Variants in ADAMTS6 observed in about 807,000 individuals in gnomAD.
The protein encoded by ADAMTS6 is ADAM metallopeptidase with thrombospondin type 1 motif 6, also known as A disintegrin and metalloproteinase with thrombospondin motifs 6.
A neutral mutation model predicts 144.3 loss-of-function variants in ADAMTS6; 23 were observed. That is an observed-to-expected ratio of 0.16 (90% CI 0.11 to 0.23). The LOEUF is 0.23. ADAMTS6 is among the 10% of genes least tolerant of loss of function. The probability of loss-of-function intolerance (pLI) is 1.00; values close to 1 mark genes in which losing one functional copy is unlikely to be tolerated. For synonymous variants in ADAMTS6, 444 were observed against 457.5 expected (o/e 0.97, Z 0.38); for missense variants, 999 against 1,379.6 (o/e 0.72, Z 4.37).
In ADAMTS6 at chr5:65,224,849, G is replaced by C. The variant is rs1362141138; in HGVS notation, c.2191+75C>G. On this transcript the variant is annotated intron_variant, in intron 17 of 24. Transcript: ENST00000381055. ...CTAAATAAAGAAATCTGAAAAACAG[G>C]GGGAGGCGAAGCGAGGGTTTTGGCT... The C allele has an allele frequency of 6.2e-6, 9 of 1,459,804 alleles. No homozygotes were observed. In the East Asian group the frequency reaches 9.6e-5, roughly 16 times the overall value. The allele number at this position is 1,459,804 out of a possible 1,614,324, so 90.4% of individuals were successfully genotyped here. A position where few individuals can be genotyped will look rare whatever the true frequency, so the allele number is the denominator to read the frequency against.
intron 7 of ADAMTS6, among the ~76,000 whole-genome samples, chr5:65,357,947 C>T (rs1383842828): frequency 6.6e-6 from 1 of 151,794 alleles, no homozygotes; most frequent in Non-Finnish European, 1.5e-5. Flanking sequence ...TTCCAAAAGA[C>T]TGAAAAAGAG....
chr5:65,399,085 C>T (rs1392853245), intron 7 of ADAMTS6, among the ~76,000 whole-genome samples: 2 of 151,828 alleles, frequency 1.3e-5, no homozygotes, highest in Admixed American at 6.6e-5. Flanking sequence ...GGTGAAACCC[C>T]GTCTCCAATA....
chr5:65,181,603 A>G (rs1196823858), intron 22 of ADAMTS6, among the ~76,000 whole-genome samples: 1 of 152,202 alleles, frequency 6.6e-6, no homozygotes, highest in Non-Finnish European at 1.5e-5. Context: ...AGGCCTTGTG[A>G]CCCATACTTT....
At chr5:65,447,461 A>G (rs1384749408) in intron 7 of ADAMTS6, among the ~76,000 whole-genome samples, 2 of 152,136 alleles carry the variant, frequency 1.3e-5, no homozygotes, top group African/African-American at 2.4e-5. Flanking sequence ...ATAAAGACAC[A>G]CAATTTTTGT....
Position 65,427,941 on chromosome 5 carries a change from A to G in ADAMTS6, c.1073+23534T>C, listed in dbSNP as rs115492829. ...AAAGTCTAATCATGATTAAGTTAAT[A>G]AAGAAGGCCAGGCACGGCTCACACC... On this transcript the variant is annotated intron_variant, in intron 7 of 24. Transcript: ENST00000381055. Among the ~76,000 whole-genome samples, 1,092 of 152,196 alleles carry G rather than the reference A, an allele frequency of 7.2e-3. 13 individuals carry two copies. Among genetic ancestry groups the G allele is most frequent in the African/African-American group, 0.025 (1,026 of 41,534 alleles).
intron 16 of ADAMTS6, among the ~76,000 whole-genome samples, chr5:65,225,517 A>T (rs529958997): frequency 6.6e-6 from 1 of 152,308 alleles, no homozygotes; most frequent in Non-Finnish European, 1.5e-5. Context: ...TGTTACAATC[A>T]TACACAGGTC....
chr5:65,306,559 G>T (rs1313168225), intron 9 of ADAMTS6, among the ~76,000 whole-genome samples: 1 of 152,156 alleles, frequency 6.6e-6, no homozygotes, highest in Non-Finnish European at 1.5e-5. Context: ...ACTGCTCTAG[G>T]ATAGATGTGC....
intron 12 of ADAMTS6, among the ~76,000 whole-genome samples, chr5:65,271,939 C>A (rs1229250814): frequency 1.3e-5 from 2 of 152,004 alleles, no homozygotes; most frequent in Non-Finnish European, 2.9e-5. Context: ...TGGCTACTTA[C>A]AATATCTTAA....
chr5:65,316,528 A>T (rs1293191775), intron 9 of ADAMTS6, among the ~76,000 whole-genome samples: 7 of 152,202 alleles, frequency 4.6e-5, no homozygotes, highest in Admixed American at 4.6e-4. Context: ...AAATGATACA[A>T]TTGAAAGATG....
chr5:65,385,572 TATC>T (rs1184706966), intron 7 of ADAMTS6, among the ~76,000 whole-genome samples: 4 of 152,330 alleles, frequency 2.6e-5, no homozygotes, highest in African/African-American at 4.8e-5. Flanking sequence ...TAGTAAAAAT[TATC>T]ATCATTTTTT....
intron 11 of ADAMTS6, among the ~76,000 whole-genome samples, chr5:65,284,477 T>G (rs1287924582): frequency 2.6e-5 from 4 of 152,146 alleles, no homozygotes; most frequent in African/African-American, 9.7e-5. Context: ...TGAGAAAATA[T>G]GCAGATTTCA....
intron 7 of ADAMTS6, among the ~76,000 whole-genome samples, chr5:65,336,745 T>A (rs1747343266): frequency 1.3e-5 from 2 of 152,136 alleles, no homozygotes; most frequent in African/African-American, 4.8e-5. Context: ...TTTATATTTA[T>A]AATGGAATTT....
At chr5:65,476,126 T>C (rs1328821235) in intron 1 of ADAMTS6, among the ~76,000 whole-genome samples, 1 of 152,218 alleles carries the variant, frequency 6.6e-6, no homozygotes, top group Non-Finnish European at 1.5e-5. Context: ...AGGCCCACAT[T>C]GAAGAAACTG....
rs376413257 is a variant in ADAMTS6, at chr5:65,476,412, T to C, written c.-279-2460A>G. On this transcript the variant is annotated intron_variant, in intron 1 of 24. Transcript: ENST00000381055. Reference sequence around the variant, plus strand: ...TTTGTGGTAATTTGTTACACAGCAATTGATAACTAATACAGCCACCAATTC... The same window carrying C: ...TTTGTGGTAATTTGTTACACAGCAACTGATAACTAATACAGCCACCAATTC... Among the ~76,000 whole-genome samples, 201 of 152,288 alleles carry C rather than the reference T, an allele frequency of 1.3e-3. 1 individual carries two copies. The highest frequency in any genetic ancestry group is 4.6e-3 in the African/African-American group (190 of 41,562).
At chr5:65,283,816 C>T (rs1763164612) in intron 11 of ADAMTS6, among the ~76,000 whole-genome samples, 1 of 152,072 alleles carries the variant, frequency 6.6e-6, no homozygotes, top group African/African-American at 2.4e-5. Flanking sequence ...AACCTTCCAG[C>T]TGTAAAAATT....
Position 65,201,563 on chromosome 5 carries a change from T to C in ADAMTS6, c.2576-4412A>G, listed in dbSNP as rs59346445. Among the ~76,000 whole-genome samples, 926 of 152,264 alleles carry C rather than the reference T, an allele frequency of 6.1e-3. 13 individuals carry two copies. The highest frequency in any genetic ancestry group is 0.021 in the African/African-American group (878 of 41,546). ...GAAAGACTTTCTAAGTCTTCTCAAC[T>C]CTACTCATCAGTCCCATCATTTCAG... On this transcript the variant is annotated intron_variant, in intron 20 of 24. Transcript: ENST00000381055.
intron 21 of ADAMTS6, among the ~76,000 whole-genome samples, chr5:65,190,190 C>A (rs1178318162): frequency 2.0e-5 from 3 of 152,246 alleles, no homozygotes; most frequent in South Asian, 4.2e-4. Context: ...TATATTTTAT[C>A]AACATCTACA....
At chr5:65,461,970 A>G (rs1759668318) in intron 3 of ADAMTS6, among the ~76,000 whole-genome samples, 3 of 152,302 alleles carry the variant, frequency 2.0e-5, no homozygotes, top group Admixed American at 2.0e-4. Flanking sequence ...AGTTGCTCTA[A>G]TTTATAGATT....
intron 20 of ADAMTS6, among the ~76,000 whole-genome samples, chr5:65,202,529 A>G (rs577940313): frequency 6.6e-6 from 1 of 152,320 alleles, no homozygotes; most frequent in East Asian, 1.9e-4. Context: ...CAATGAGATT[A>G]CACTAAAATG....
Sources: allele counts gnomAD v4.1 joint callset (sites outside exome capture counted in the v4.1 genomes callset), GRCh38; gene constraint gnomAD v4.1.1; transcripts MANE v1.5; gene names NCBI Gene and HGNC (gene_info 2026-07-23, HGNC 2026-07-21).